KCNMA1: variants seen among roughly 807,000 people sequenced by gnomAD.
KCNMA1 encodes the protein potassium calcium-activated channel subfamily M alpha 1.
KCNMA1 carries 29 observed loss-of-function variants against 140.0 expected under a neutral mutation model. That is an observed-to-expected ratio of 0.21 (90% CI 0.15 to 0.28). The LOEUF (loss-of-function observed/expected upper bound fraction) is 0.28, where lower values mean the gene tolerates loss of function less well. Ranked by LOEUF, KCNMA1 falls within the 10% of genes least tolerant of loss-of-function variation. The pLI, the probability that KCNMA1 is intolerant of heterozygous loss-of-function variation, is 1.00. For missense variants in KCNMA1, 880 were observed against 1,602.2 expected (o/e 0.55, Z 7.70); for synonymous variants, 612 against 611.9 (o/e 1.00, Z 0.00).
chr10:77,295,775 G>A (rs1388426121), intron 2 of KCNMA1, among the ~76,000 whole-genome samples: 6 of 93,012 alleles, frequency 6.5e-5, no homozygotes, highest in African/African-American at 1.9e-4. Flanking sequence ...GCGACAGAGC[G>A]AGACTCCGTC....
At chr10:77,000,597 G>A (rs2153404299) in intron 19 of KCNMA1, among the ~76,000 whole-genome samples, 1 of 152,126 alleles carries the variant, frequency 6.6e-6, no homozygotes, top group South Asian at 2.1e-4. Context: ...ATATCACAGA[G>A]GTTTCTGACT....
intron 3 of KCNMA1, among the ~76,000 whole-genome samples, chr10:77,196,479 G>T (rs932474476): frequency 1.3e-5 from 2 of 152,142 alleles, no homozygotes; most frequent in Admixed American, 6.6e-5. Flanking sequence ...TTCAAAAAGC[G>T]AAATGCTCCC....
chr10:77,422,297 A>G (rs753287290), intron 1 of KCNMA1, among the ~76,000 whole-genome samples: 30 of 152,210 alleles, frequency 2.0e-4, no homozygotes, highest in Non-Finnish European at 4.1e-4. Context: ...AGAGTTTCCA[A>G]TTCAGTAGGC....
intron 2 of KCNMA1, among the ~76,000 whole-genome samples, chr10:77,396,586 C>T (rs1246082523): frequency 1.3e-5 from 2 of 152,136 alleles, no homozygotes; most frequent in African/African-American, 2.4e-5. Context: ...AGGATTATTC[C>T]TATTTGAAAG....
At chr10:77,409,730 T>C (rs976182075) in intron 1 of KCNMA1, among the ~76,000 whole-genome samples, 2 of 152,158 alleles carry the variant, frequency 1.3e-5, no homozygotes, top group African/African-American at 2.4e-5. Context: ...TCCCTCAGAT[T>C]TGGCTGTCTC....
chr10:77,425,482 T>G (rs660940), intron 1 of KCNMA1, among the ~76,000 whole-genome samples: 74,106 of 151,920 alleles, frequency 0.49, 19,685 homozygotes, highest in African/African-American at 0.7. Flanking sequence ...GCCCACACTC[T>G]GTTGAAACCT....
intron 6 of KCNMA1, among the ~76,000 whole-genome samples, chr10:77,113,081 T>A (rs1239897765): frequency 1.3e-5 from 2 of 152,190 alleles, no homozygotes; most frequent in African/African-American, 4.8e-5. Flanking sequence ...TTTTTTTATT[T>A]TCCCCCCAGA....
At chr10:76,919,181 G>A (rs933463715) in intron 23 of KCNMA1, among the ~76,000 whole-genome samples, 5 of 152,094 alleles carry the variant, frequency 3.3e-5, no homozygotes, top group African/African-American at 1.2e-4. Flanking sequence ...GGAGACGAGG[G>A]ATAAAAGACT....
intron 1 of KCNMA1, among the ~76,000 whole-genome samples, chr10:77,577,671 A>C (rs188632052): frequency 6.6e-6 from 1 of 152,320 alleles, no homozygotes; most frequent in East Asian, 1.9e-4. Flanking sequence ...AAATATCTAG[A>C]TTTCCATTGT....
chr10:77,631,241 T>C (rs982645739), intron 1 of KCNMA1, among the ~76,000 whole-genome samples: 9 of 151,698 alleles, frequency 5.9e-5, no homozygotes, highest in Non-Finnish European at 1.0e-4. Flanking sequence ...CACCCTTGCC[T>C]CCGAGGGTCC....
chr10:77,378,400 G>C (rs1309496667), intron 2 of KCNMA1, among the ~76,000 whole-genome samples: 1 of 152,228 alleles, frequency 6.6e-6, no homozygotes, highest in Non-Finnish European at 1.5e-5. Flanking sequence ...GGGAGAGGAA[G>C]GAAAATCTGT....
chr10:77,229,745 CTA>C lies in KCNMA1; in HGVS notation c.602+21448_602+21449del, dbSNP rs146102707. ...CTGAGACGAACCAAGGGAGTAGTGG[CTA>C]TATATATATATATATGTACACACAC... On this transcript the variant is annotated intron_variant, in intron 3 of 27. Transcript: ENST00000286628. Among the ~76,000 whole-genome samples the C allele has an allele frequency of 2.3e-4, 34 of 147,716 alleles. 1 individual carries two copies. The highest frequency in any genetic ancestry group is 8.5e-4 in the South Asian group (4 of 4,686).
chr10:77,041,776 G>C lies in KCNMA1; in HGVS notation c.1750-2139C>G, dbSNP rs74140266. Among the ~76,000 whole-genome samples, 732 of 152,266 alleles carry C rather than the reference G, an allele frequency of 4.8e-3. 1 individual carries two copies. The highest frequency in any genetic ancestry group is 0.016 in the African/African-American group (685 of 41,534). On this transcript the variant is annotated intron_variant, in intron 14 of 27. Coordinates refer to ENST00000286628, the MANE Select transcript of KCNMA1 (RefSeq NM_001161352.2). ...GGGCATGGGTAAGAGGAAGATGAGAGGAAGCCACCCCGCCAACAGGAAGTG... is the reference window on the plus strand; with the variant it reads ...GGGCATGGGTAAGAGGAAGATGAGACGAAGCCACCCCGCCAACAGGAAGTG...
intron 5 of KCNMA1, among the ~76,000 whole-genome samples, chr10:77,126,158 A>G (rs1330761449): frequency 6.6e-6 from 1 of 152,168 alleles, no homozygotes; most frequent in Non-Finnish European, 1.5e-5. Context: ...AATCTCTGAA[A>G]TAAATGATTT....
chr10:76,982,058 AC>A (rs1364358995), intron 19 of KCNMA1, among the ~76,000 whole-genome samples: 1 of 151,922 alleles, frequency 6.6e-6, no homozygotes, highest in Admixed American at 6.6e-5. Flanking sequence ...TAAGTATGAG[AC>A]CCTTCTGGCT....
intron 3 of KCNMA1, among the ~76,000 whole-genome samples, chr10:77,202,208 A>C (rs1438055043): frequency 6.6e-6 from 1 of 152,180 alleles, no homozygotes; most frequent in Non-Finnish European, 1.5e-5. Flanking sequence ...AAAGATATAA[A>C]AGAGGGATAA....
chr10:77,461,830 C>T (rs2097875454), intron 1 of KCNMA1, among the ~76,000 whole-genome samples: 1 of 152,166 alleles, frequency 6.6e-6, no homozygotes, highest in African/African-American at 2.4e-5. Flanking sequence ...CGGGGACACC[C>T]AGGACAGACT....
At chr10:77,119,988 G>A (rs540005383) in intron 6 of KCNMA1, among the ~76,000 whole-genome samples, 31 of 152,274 alleles carry the variant, frequency 2.0e-4, no homozygotes, top group African/African-American at 7.2e-4. Context: ...GGTTCATTCA[G>A]GAAGCTAGGT....
At chr10:76,909,586 C>A (rs1339546287) in intron 25 of KCNMA1, among the ~76,000 whole-genome samples, 1 of 152,100 alleles carries the variant, frequency 6.6e-6, no homozygotes, top group Admixed American at 6.6e-5. Context: ...CAGGTCCCCC[C>A]CAACACCAGG....
Sources: allele counts gnomAD v4.1 joint callset (sites outside exome capture counted in the v4.1 genomes callset), GRCh38; gene constraint gnomAD v4.1.1; transcripts MANE v1.5; gene names NCBI Gene and HGNC (gene_info 2026-07-23, HGNC 2026-07-21).